GRM7: variants seen among roughly 807,000 people sequenced by gnomAD.
GRM7 encodes metabotropic glutamate receptor 7.
Under a neutral mutation model 84.5 loss-of-function variants are expected in GRM7, and 35 were observed. The observed-to-expected ratio is 0.41, with a 90% CI of 0.32 to 0.55. GRM7 has a LOEUF of 0.55. GRM7 is among the 20% of genes least tolerant of loss of function. The probability of loss-of-function intolerance (pLI) is 0.19; values close to 1 mark genes in which losing one functional copy is unlikely to be tolerated. For synonymous variants in GRM7, 487 were observed against 455.1 expected, an observed-to-expected ratio of 1.07 and a Z score of -0.89; for missense variants, 1,003 against 1,194.6, an observed-to-expected ratio of 0.84 and a Z score of 2.36.
intron 1 of GRM7, among the ~76,000 whole-genome samples, chr3:6,901,404 C>T (rs1361060031): frequency 1.3e-5 from 2 of 151,818 alleles, no homozygotes; most frequent in Admixed American, 6.6e-5. Context: ...TCAAGACCGT[C>T]CTGGCCAACA....
chr3:6,904,307 A>G (rs1259286489), intron 1 of GRM7, among the ~76,000 whole-genome samples: 1 of 152,120 alleles, frequency 6.6e-6, no homozygotes, highest in Non-Finnish European at 1.5e-5. Flanking sequence ...GCAGGATTGT[A>G]TTTATAGTAT....
intron 1 of GRM7, among the ~76,000 whole-genome samples, chr3:7,087,209 C>G (rs1341412771): frequency 6.6e-6 from 1 of 152,044 alleles, no homozygotes; most frequent in East Asian, 1.9e-4. Context: ...TCTTGGATTG[C>G]TAGATTAAGG....
chr3:7,585,718 C>G (rs1695488213), intron 8 of GRM7, among the ~76,000 whole-genome samples: 3 of 152,176 alleles, frequency 2.0e-5, no homozygotes, highest in Non-Finnish European at 4.4e-5. Flanking sequence ...CTGAGAGACA[C>G]AGCCACAGGG....
intron 4 of GRM7, among the ~76,000 whole-genome samples, chr3:7,360,554 T>C (rs1192322709): frequency 6.6e-6 from 1 of 152,162 alleles, no homozygotes; most frequent in East Asian, 1.9e-4. Flanking sequence ...TGCTCATCAA[T>C]ATCTTTATTA....
At chr3:7,524,309 C>T (rs527422342) in intron 7 of GRM7, among the ~76,000 whole-genome samples, 4 of 149,202 alleles carry the variant, frequency 2.7e-5, no homozygotes, top group African/African-American at 7.5e-5. Context: ...AAAGAAACTA[C>T]CATCAGAGTG....
At chr3:7,464,166 A>G (rs1028480781) in intron 7 of GRM7, among the ~76,000 whole-genome samples, 4 of 152,284 alleles carry the variant, frequency 2.6e-5, no homozygotes, top group South Asian at 2.1e-4. Context: ...ATCAGAAGTC[A>G]TTGGGCAATG....
chr3:6,922,064 AT>A (rs1223621962), intron 1 of GRM7, among the ~76,000 whole-genome samples: 3 of 152,198 alleles, frequency 2.0e-5, no homozygotes, highest in Non-Finnish European at 4.4e-5. Flanking sequence ...CCTCGCAAAC[AT>A]TTGACGACTA....
At chr3:7,659,420 G>A (rs1017947593) in intron 8 of GRM7, among the ~76,000 whole-genome samples, 2 of 152,090 alleles carry the variant, frequency 1.3e-5, no homozygotes, top group Admixed American at 6.6e-5. Flanking sequence ...TCATTTAAAG[G>A]CATCTCTTTT....
chr3:7,446,543 C>A (rs1489660733), intron 5 of GRM7, among the ~76,000 whole-genome samples: 1 of 150,738 alleles, frequency 6.6e-6, no homozygotes, highest in Admixed American at 6.6e-5. Context: ...TCACTGCAGC[C>A]TCTACCTCCT....
At chr3:7,213,773 G>A (rs140722920) in intron 2 of GRM7, among the ~76,000 whole-genome samples, 2 of 152,148 alleles carry the variant, frequency 1.3e-5, no homozygotes, top group East Asian at 3.9e-4. Flanking sequence ...ACTGCCCCTG[G>A]AGACGGAGCA....
chr3:7,152,081 A>G (rs1431860423), intron 2 of GRM7, among the ~76,000 whole-genome samples: 1 of 152,194 alleles, frequency 6.6e-6, no homozygotes, highest in Non-Finnish European at 1.5e-5. Flanking sequence ...AAATTCTTAT[A>G]ATGTCATTTA....
intron 1 of GRM7, among the ~76,000 whole-genome samples, chr3:6,916,261 C>T (rs1194038393): frequency 1.3e-5 from 2 of 152,004 alleles, no homozygotes; most frequent in Admixed American, 6.6e-5. Flanking sequence ...ACAGGAAGGA[C>T]CGATTCAGAC....
intron 1 of GRM7, among the ~76,000 whole-genome samples, chr3:7,083,472 G>A (rs1698338473): frequency 6.6e-6 from 1 of 152,118 alleles, no homozygotes; most frequent in Non-Finnish European, 1.5e-5. Context: ...GTGGTGGTCT[G>A]GAGCCAATTC....
chr3:7,040,689 G>A (rs1168075432), intron 1 of GRM7, among the ~76,000 whole-genome samples: 1 of 152,066 alleles, frequency 6.6e-6, no homozygotes, highest in Non-Finnish European at 1.5e-5. Context: ...TTATAGGTGT[G>A]TCTTGGGACC....
Position 7,645,357 on chromosome 3 carries a change from G to A in GRM7, c.2452-34692G>A, listed in dbSNP as rs555365168. Among the ~76,000 whole-genome samples the A allele has an allele frequency of 4.2e-3, 635 of 151,700 alleles. 2 individuals are homozygous for A. The highest frequency in any genetic ancestry group is 0.013 in the African/African-American group (522 of 41,352). On this transcript the variant is annotated intron_variant, in intron 8 of 9. Coordinates refer to ENST00000357716, the MANE Select transcript of GRM7 (RefSeq NM_000844.4). The stretch of plus-strand genomic sequence containing the variant: ...AGGTCAGGAGATTGAGACCATCCTG[G>A]CCAACATGGTGAAACCCCGTCACTA...
chr3:7,692,858 A>C (rs772399877), intron 9 of GRM7, among the ~76,000 whole-genome samples: 4 of 152,074 alleles, frequency 2.6e-5, no homozygotes, highest in Non-Finnish European at 4.4e-5. Flanking sequence ...TTCTTCTCGT[A>C]AGTTGATTCT....
intron 7 of GRM7, among the ~76,000 whole-genome samples, chr3:7,565,225 G>A (rs546076065): frequency 6.6e-6 from 1 of 152,076 alleles, no homozygotes; most frequent in Non-Finnish European, 1.5e-5. Context: ...CTAAAGGAGA[G>A]GTCAGTCTGT....
Position 7,306,607 on chromosome 3 carries a change from G to T in GRM7, c.988G>T (p.Ala330Ser). Residue 330 changes from alanine (A) to serine (S), a missense_variant, in exon 4 of 10, where the codon GCA becomes TCA. Transcript: ENST00000357716. ...INPLHQHEDIAEGAITIQPKR... is the reference protein window; with the variant it reads ...INPLHQHEDISEGAITIQPKR... ...CCCACTGCACCAGCATGAAGATATC[G>T]CAGAAGGGGCCATCACCATTCAGCC... The T allele has an allele frequency of 6.2e-7, 1 of 1,612,886 alleles. No individual in the cohort carries two copies. The highest frequency in any genetic ancestry group is 8.5e-7 in the Non-Finnish European group (1 of 1,179,378).
At chr3:7,562,103 T>C (rs551284989) in intron 7 of GRM7, among the ~76,000 whole-genome samples, 1 of 152,268 alleles carries the variant, frequency 6.6e-6, no homozygotes, top group South Asian at 2.1e-4. Context: ...CATGCTTGAA[T>C]ACAACGCTTT....
Sources: gnomAD v4.1 joint callset for allele counts (sites outside exome capture counted in the v4.1 genomes callset) on GRCh38, gnomAD v4.1.1 for gene constraint, MANE v1.5 for transcripts, NCBI Gene and HGNC (gene_info 2026-07-23, HGNC 2026-07-21) for gene names.